The following FCHO1 variants were observed in gnomAD, a reference collection of about 807,000 sequenced individuals.
The protein encoded by FCHO1 is FCH and mu domain containing endocytic adaptor 1.
FCHO1 carries 45 observed loss-of-function variants against 114.4 expected under a neutral mutation model. The observed-to-expected ratio is 0.39, with a 90% confidence interval of 0.31 to 0.50. FCHO1 has a LOEUF of 0.50. FCHO1 is among the 20% of genes least tolerant of loss of function. The pLI is 0.77. For synonymous variants in FCHO1, 480 were observed against 488.9 expected (o/e 0.98, Z 0.24); for missense variants, 1,042 against 1,209.6 (o/e 0.86, Z 2.06).
chr19:17,779,903 G>A (rs1412760957), intron 20 of FCHO1, among the ~76,000 whole-genome samples: 3 of 151,990 alleles, frequency 2.0e-5, no homozygotes, highest in Non-Finnish European at 4.4e-5. Context: ...GCAGAGGAGA[G>A]GACAGCCGGG....
chr19:17,781,387 T>C (rs2093397377), intron 21 of FCHO1, 44 bp downstream of exon 21: 2 of 1,608,580 alleles, frequency 1.2e-6, no homozygotes, highest in Non-Finnish European at 1.7e-6. Context: ...GGGTCGCGTC[T>C]GGGGTCCGCT....
Position 17,783,064 on chromosome 19 carries a change from G to C in FCHO1, c.1985G>C (p.Gly662Ala). The C allele has an allele frequency of 5.6e-6, 9 of 1,614,122 alleles. No homozygotes were observed. Among genetic ancestry groups the C allele is most frequent in the Non-Finnish European group, 7.6e-6 (9 of 1,180,016 alleles). ...GAGCTGACCATGACCTTCCCTGCTG[G>C]CATCGTGCGTGTGTTCAGCGGGACC... Reference protein sequence around the residue: ...TGELTMTFPAGIVRVFSGTPP... With the variant: ...TGELTMTFPAAIVRVFSGTPP... Residue 662 changes from glycine (G) to alanine (A), a missense_variant, in exon 24 of 29, where the codon GGC (glycine) becomes GCC (alanine). By Grantham distance (60) the Gly-to-Ala change is moderately conservative. Around this residue, in one of 3 missense-constraint regions of FCHO1, gnomAD observed 455 missense variants for 455.4 expected, o/e 1.00. Transcript: ENST00000596536.
At position 17,776,299 on chromosome 19, in the gene FCHO1, G is replaced by A. The variant is rs2092624056; in HGVS notation, c.1207+28G>A. ...GAGTAGCCTTTGGTCTTCAGAGTGG[G>A]GAGGATCCTAAGGAAGGGAGGCTAT... On this transcript the variant is annotated intron_variant, in intron 17 of 28. Transcript: ENST00000596536. This position sits in a 1 kb window ranked among gnomAD's most constrained non-coding sequence, Gnocchi z 4.4. 1.2e-6 allele frequency: 2 copies of A among 1,614,112 alleles called. No homozygotes were observed. The highest frequency in any genetic ancestry group is 1.7e-6 in the Non-Finnish European group (2 of 1,179,976).
At chr19:17,755,087 C>T in intron 3 of FCHO1, 31 bp from the exon 4 acceptor site, 1 of 1,411,320 alleles carries the variant, frequency 7.1e-7, no homozygotes, top group Non-Finnish European at 1.0e-6. Flanking sequence ...CTGGCAATGA[C>T]TCTGTAGCTC....
chr19:17,751,194 T>A (rs1249216962), upstream of FCHO1, among the ~76,000 whole-genome samples: 3 of 152,200 alleles, frequency 2.0e-5, no homozygotes, highest in East Asian at 1.9e-4. This position sits in a 1 kb window ranked among gnomAD's most constrained non-coding sequence, Gnocchi z 4.4. Context: ...TTGCCCAGTC[T>A]GTGAAGTGGG....
intron 27 of FCHO1, among the ~76,000 whole-genome samples, chr19:17,786,867 G>A (rs1003268469): frequency 2.6e-5 from 4 of 151,410 alleles, no homozygotes; most frequent in African/African-American, 4.9e-5. Context: ...GCAGTGACCC[G>A]TGATCGTACC....
chr19:17,783,190 T>G lies in FCHO1; in HGVS notation c.2093+18T>G. ...CTGTTCAGGTACTATGGAGGGGCAGTGGGAGAGGGCCTCGGAGGCTGCTGG... is the reference window on the plus strand; with the variant it reads ...CTGTTCAGGTACTATGGAGGGGCAGGGGGAGAGGGCCTCGGAGGCTGCTGG... On this transcript the variant is annotated intron_variant, in intron 24 of 28. Coordinates refer to ENST00000596536, the MANE Select transcript of FCHO1 (RefSeq NM_015122.3). 6.2e-7 allele frequency: 1 copy of G among 1,609,196 alleles called. No individual in the cohort carries two copies. Among genetic ancestry groups the G allele is most frequent in the South Asian group, 1.1e-5 (1 of 90,892 alleles).
chr19:17,771,271 A>G (rs966358303), intron 9 of FCHO1, among the ~76,000 whole-genome samples: 1 of 151,594 alleles, frequency 6.6e-6, no homozygotes, highest in Non-Finnish European at 1.5e-5. Context: ...AAATAAATTC[A>G]AGCAGATTGG....
At chr19:17,778,454 G>A in intron 19 of FCHO1, 155 bp from the exon 20 acceptor site, 1 of 886,722 alleles carries the variant, frequency 1.1e-6, no homozygotes, top group Non-Finnish European at 1.7e-6. Context: ...TGTGGAGAGG[G>A]AAGTCACCAG....
At chr19:17,773,979 C>G (rs929101052) in intron 11 of FCHO1, among the ~76,000 whole-genome samples, 3 of 151,032 alleles carry the variant, frequency 2.0e-5, no homozygotes, top group African/African-American at 7.3e-5. Context: ...GGTGCAGTCT[C>G]GGCTCACTGC....
intron 6 of FCHO1, among the ~76,000 whole-genome samples, chr19:17,766,073 A>G (rs2088976094): frequency 1.3e-5 from 2 of 151,052 alleles, no homozygotes; most frequent in Non-Finnish European, 2.9e-5. Context: ...TATTTTTAGT[A>G]GAGACGGGGT....
At chr19:17,780,144 TG>T in intron 20 of FCHO1, among the ~76,000 whole-genome samples, 1 of 131,212 alleles carries the variant, frequency 7.6e-6, no homozygotes, top group East Asian at 2.3e-4. Flanking sequence ...GACCACAGAG[TG>T]GGGGCAGAAG....
At chr19:17,748,481 G>A (rs957038548), upstream of FCHO1, among the ~76,000 whole-genome samples, 1 of 147,956 alleles carries the variant, frequency 6.8e-6, no homozygotes, top group South Asian at 2.2e-4. Flanking sequence ...TCCAGGCCAG[G>A]CCTTGAAGGG....
chr19:17,773,991 A>G (rs1311364968), intron 11 of FCHO1, among the ~76,000 whole-genome samples: 5 of 149,462 alleles, frequency 3.3e-5, no homozygotes, highest in Non-Finnish European at 7.4e-5. Flanking sequence ...GCTCACTGCA[A>G]CCTCCGCCTC....
chr19:17,754,871 C>G, intron 3 of FCHO1, 190 bp downstream of exon 3: 1 of 449,432 alleles, frequency 2.2e-6, no homozygotes, highest in South Asian at 2.1e-5. Flanking sequence ...GCTCTTGTCC[C>G]TCCACCTAGT....
Position 17,772,672 on chromosome 19 carries a change from G to T in FCHO1, c.721G>T (p.Glu241Ter). The change falls in exon 11 of 29, where the codon GAG becomes TAG. Residue 241 changes from glutamate to a stop codon, truncating the protein, a stop_gained. Transcript: ENST00000596536. LOFTEE classifies it high-confidence loss of function. Reference protein sequence around the residue: ...QVHEEFKQNIENVSVEMLLRK... With the variant: ...QVHEEFKQNI ...GCATGAGGAATTTAAGCAGAACATCGAGAACGTCAGCGTGGAGATGCTACT... is the reference window on the plus strand; with the variant it reads ...GCATGAGGAATTTAAGCAGAACATCTAGAACGTCAGCGTGGAGATGCTACT... 1 of 1,614,088 alleles carries T rather than the reference G, an allele frequency of 6.2e-7. No homozygotes were observed. The highest frequency in any genetic ancestry group is 1.1e-5 in the South Asian group (1 of 91,058).
At chr19:17,756,885 C>T (rs2083756323) in intron 4 of FCHO1, among the ~76,000 whole-genome samples, 1 of 152,080 alleles carries the variant, frequency 6.6e-6, no homozygotes, top group Non-Finnish European at 1.5e-5. Context: ...TAAACAAGCT[C>T]TGTTACAAAG....
At chr19:17,786,420 C>G (rs185658773) in intron 26 of FCHO1, among the ~76,000 whole-genome samples, 154 bp from the exon 27 acceptor site, 1 of 152,188 alleles carries the variant, frequency 6.6e-6, no homozygotes. Flanking sequence ...CACGGCTGTT[C>G]CATATCTCAC....
intron 28 of FCHO1, 29 bp from the exon 29 acceptor site, chr19:17,788,245 TCCTCCCCACC>T: frequency 2.5e-5 from 12 of 474,944 alleles, no homozygotes; most frequent in Non-Finnish European, 4.6e-5. Flanking sequence ...CCCGTACCCC[TCCTCCCCACC>T]CCTCCCCCTC....
Sources: gnomAD v4.1 joint callset for allele counts (sites outside exome capture counted in the v4.1 genomes callset) on GRCh38, gnomAD v4.1.1 for gene constraint, gnomAD v4.1.1 regional missense constraint, Gnocchi (gnomAD v3.1) non-coding constraint, MANE v1.5 for transcripts, NCBI Gene and HGNC (gene_info 2026-07-23, HGNC 2026-07-21) for gene names.